The following NUP37 variants were observed in gnomAD, a reference collection of about 807,000 sequenced individuals.
NUP37 encodes the protein nucleoporin 37.
A neutral mutation model predicts 45.4 loss-of-function variants in NUP37; 33 were observed. That is an observed-to-expected ratio of 0.73 (90% confidence interval 0.55 to 0.97). The LOEUF (loss-of-function observed/expected upper bound fraction) is 0.97. Ranked by LOEUF, NUP37 falls within the 50% of genes least tolerant of loss-of-function variation. The probability of loss-of-function intolerance (pLI) is 0.00; values close to 1 mark genes in which losing one functional copy is unlikely to be tolerated. For synonymous variants in NUP37, 127 were observed against 130.7 expected (o/e 0.97, Z 0.19); for missense variants, 365 against 389.7 (o/e 0.94, Z 0.53).
intron 1 of NUP37, chr12:102,119,415 A>G (rs1301565399): frequency 6.6e-6 from 1 of 152,224 alleles, no homozygotes; most frequent in Non-Finnish European, 1.5e-5. Context: ...CTTAAAAATT[A>G]AAATAATAAT....
At chr12:102,090,925 G>C (rs1879632027) in intron 5 of NUP37, among the ~76,000 whole-genome samples, 1 of 152,114 alleles carries the variant, frequency 6.6e-6, no homozygotes, top group Non-Finnish European at 1.5e-5. Context: ...TGTTATCTAA[G>C]AAACTTTTGG....
chr12:102,114,752 A>G (rs1282241910), intron 2 of NUP37, among the ~76,000 whole-genome samples: 1 of 151,828 alleles, frequency 6.6e-6, no homozygotes, highest in African/African-American at 2.4e-5. Flanking sequence ...CTAGGAGAGC[A>G]TCTGAAAAAA....
At position 102,104,516 on chromosome 12, in the gene NUP37, T is replaced by C. The variant is rs76279354; in HGVS notation, c.282-3412A>G. 3.6e-3 allele frequency among the ~76,000 whole-genome samples: 546 copies of C among 152,318 alleles called. 1 individual carries two copies. The highest frequency in any genetic ancestry group is 6.5e-3 in the Non-Finnish European group (444 of 68,024). ...TTTTTTGCTTTTGTTGCCTGTGCTT[T>C]TGTTATCAAAACTAAGAAAAAACTG... On this transcript the variant is annotated intron_variant, in intron 3 of 9. Transcript: ENST00000552283.
intron 2 of NUP37, among the ~76,000 whole-genome samples, chr12:102,113,040 A>C (rs1880361378): frequency 6.6e-6 from 1 of 152,254 alleles, no homozygotes; most frequent in South Asian, 2.1e-4. Context: ...GGTGAGAAAA[A>C]AAATCAACTT....
chr12:102,082,266 GATTTTCATAAGA>G (rs928815132), intron 6 of NUP37, among the ~76,000 whole-genome samples: 1 of 151,876 alleles, frequency 6.6e-6, no homozygotes, highest in African/African-American at 2.4e-5. Flanking sequence ...TATCTCTTGG[GATTTTCATAAGA>G]ATTCTATGAG....
chr12:102,082,157 G>C (rs552790130), intron 6 of NUP37, among the ~76,000 whole-genome samples: 18 of 152,074 alleles, frequency 1.2e-4, no homozygotes, highest in Non-Finnish European at 2.6e-4. Flanking sequence ...TGGGAGCTTA[G>C]TTTTTGGAGG....
chr12:102,074,830 A>C (rs1879123337), intron 9 of NUP37, 171 bp downstream of exon 9: 2 of 467,182 alleles, frequency 4.3e-6, no homozygotes, highest in East Asian at 3.3e-5. Context: ...TCAAAAAAAA[A>C]CCACACAAAA....
chr12:102,103,008 T>C (rs915541798), intron 3 of NUP37, among the ~76,000 whole-genome samples: 40 of 152,130 alleles, frequency 2.6e-4, no homozygotes, highest in African/African-American at 9.4e-4. Flanking sequence ...AGCTTTTATT[T>C]TGAAATCAGG....
chr12:102,110,590 C>A (rs555443139), intron 3 of NUP37, among the ~76,000 whole-genome samples: 4 of 152,012 alleles, frequency 2.6e-5, no homozygotes, highest in South Asian at 4.2e-4. Context: ...ATGCTGTCAT[C>A]CCAGCACTTT....
intron 3 of NUP37, among the ~76,000 whole-genome samples, chr12:102,108,640 T>C (rs903206170): frequency 6.6e-6 from 1 of 152,224 alleles, no homozygotes; most frequent in Non-Finnish European, 1.5e-5. Context: ...TGTTATATTT[T>C]ATACATGCAA....
At chr12:102,080,042 T>C (rs577999255) in intron 6 of NUP37, among the ~76,000 whole-genome samples, 2 of 152,288 alleles carry the variant, frequency 1.3e-5, no homozygotes, top group East Asian at 3.9e-4. Context: ...ACTGTATACA[T>C]ACATACATAC....
chr12:102,116,053 G>A (rs533889560), intron 2 of NUP37, among the ~76,000 whole-genome samples: 4 of 152,216 alleles, frequency 2.6e-5, no homozygotes, highest in South Asian at 2.1e-4. Context: ...ATTTGGGCAC[G>A]AGACCTACAT....
intron 2 of NUP37, among the ~76,000 whole-genome samples, chr12:102,117,543 A>G (rs1310371573): frequency 6.6e-6 from 1 of 152,230 alleles, no homozygotes; most frequent in East Asian, 1.9e-4. Context: ...TCTTACATGT[A>G]AAACTAGCTT....
chr12:102,119,091 T>C (rs1033761903), intron 1 of NUP37: 3 of 152,388 alleles, frequency 2.0e-5, no homozygotes, highest in Non-Finnish European at 4.4e-5. Flanking sequence ...AAGACTTCAT[T>C]GTGTGTGGAG....
At chr12:102,084,834 A>G (rs1051672601) in intron 6 of NUP37, among the ~76,000 whole-genome samples, 4 of 152,234 alleles carry the variant, frequency 2.6e-5, no homozygotes, top group Admixed American at 6.5e-5. Context: ...CTCAGATTCT[A>G]GGGAAACATA....
chr12:102,091,751 A>G (rs531591711), intron 5 of NUP37, among the ~76,000 whole-genome samples: 2 of 152,336 alleles, frequency 1.3e-5, no homozygotes, highest in South Asian at 4.1e-4. Flanking sequence ...AATTTGAACG[A>G]TAATTATAAT....
Position 102,076,192 on chromosome 12 carries a change from C to T in NUP37, c.773+605G>A, listed in dbSNP as rs191576873. Among the ~76,000 whole-genome samples the T allele has an allele frequency of 3.3e-5, 5 of 152,280 alleles. No individual in the cohort carries two copies. The East Asian group carries it at 9.6e-4, about 29-fold the overall frequency. Reference sequence around the variant, plus strand: ...ATCTTAACGATCCATGGCATTCTTACATTTAGTCGAATGTATTTTATTCTT... The same window carrying T: ...ATCTTAACGATCCATGGCATTCTTATATTTAGTCGAATGTATTTTATTCTT... On this transcript the variant is annotated intron_variant, in intron 8 of 9. Coordinates refer to ENST00000552283, the MANE Select transcript of NUP37 (RefSeq NM_024057.4).
At chr12:102,100,090 A>C (rs974093790) in intron 4 of NUP37, among the ~76,000 whole-genome samples, 1 of 152,214 alleles carries the variant, frequency 6.6e-6, no homozygotes, top group Non-Finnish European at 1.5e-5. Context: ...TCTACAAGAC[A>C]AACTAAATTA....
intron 6 of NUP37, among the ~76,000 whole-genome samples, chr12:102,085,313 T>C (rs1227583823): frequency 6.6e-6 from 1 of 152,014 alleles, no homozygotes; most frequent in Non-Finnish European, 1.5e-5. Flanking sequence ...TCCCAGCTAC[T>C]CAGGAGGCTG....
Sources: gnomAD v4.1 joint callset for allele counts (sites outside exome capture counted in the v4.1 genomes callset) on GRCh38, gnomAD v4.1.1 for gene constraint, MANE v1.5 for transcripts, NCBI Gene and HGNC (gene_info 2026-07-23, HGNC 2026-07-21) for gene names.